ROBO2: variants seen among roughly 807,000 people sequenced by gnomAD.
ROBO2 encodes roundabout homolog 2.
A neutral mutation model predicts 160.8 loss-of-function variants in ROBO2; 53 were observed. The observed-to-expected ratio is 0.33, with a 90% CI of 0.26 to 0.41. The LOEUF is 0.41. Among genes scored for constraint, ROBO2 ranks in the 10% least tolerant of loss-of-function variants. The pLI, the probability that ROBO2 is intolerant of heterozygous loss-of-function variation, is 1.00. For synonymous variants in ROBO2, 664 were observed against 611.7 expected (o/e 1.09, Z -1.26); for missense variants, 1,577 against 1,722.4 (o/e 0.92, Z 1.49).
intron 2 of ROBO2, among the ~76,000 whole-genome samples, chr3:77,392,001 G>C (rs1448281075): frequency 6.6e-6 from 1 of 152,156 alleles, no homozygotes; most frequent in African/African-American, 2.4e-5. Flanking sequence ...ATGCATAACA[G>C]ATCTGTGGAA....
chr3:76,797,922 G>A (rs2063822679), intron 2 of ROBO2, among the ~76,000 whole-genome samples: 1 of 151,594 alleles, frequency 6.6e-6, no homozygotes, highest in Non-Finnish European at 1.5e-5. Flanking sequence ...AACAATCAAA[G>A]CCATAATAAA....
At position 76,598,299 on chromosome 3, in the gene ROBO2, TTTTG is replaced by T. The variant is rs1346148175; in HGVS notation, c.110-499703_110-499700del. Reference sequence around the variant, plus strand: ...AGGAAGGGAAGAGGAAAGTGGTTTTTTTTGTTTGTTTGTTTTGTTTTTTTGTTGT... The same window carrying T: ...AGGAAGGGAAGAGGAAAGTGGTTTTTTTTGTTTGTTTTGTTTTTTTGTTGT... On this transcript the variant is annotated intron_variant, in intron 2 of 26. Coordinates refer to the ROBO2 transcript ENST00000487694. Among the ~76,000 whole-genome samples, 14 of 152,200 alleles carry T rather than the reference TTTTG, an allele frequency of 9.2e-5. No homozygotes were observed. The East Asian group carries it at 2.1e-3, about 23-fold the overall frequency.
chr3:76,201,004 A>C (rs1331493470), intron 2 of ROBO2, among the ~76,000 whole-genome samples: 1 of 152,080 alleles, frequency 6.6e-6, no homozygotes, highest in Admixed American at 6.6e-5. Flanking sequence ...TTTCCACTTT[A>C]AACATTCGTA....
intron 2 of ROBO2, among the ~76,000 whole-genome samples, chr3:76,752,919 G>C (rs1429848770): frequency 6.6e-6 from 1 of 151,792 alleles, no homozygotes; most frequent in Non-Finnish European, 1.5e-5. Flanking sequence ...AAAACACTTA[G>C]AATGCAAACA....
intron 2 of ROBO2, among the ~76,000 whole-genome samples, chr3:76,657,752 A>G (rs571954225): frequency 2.9e-5 from 4 of 140,118 alleles, no homozygotes; most frequent in East Asian, 4.0e-4. Flanking sequence ...ATTCATATAT[A>G]TGTATATATA....
chr3:76,206,245 ACTGT>A (rs34266465), intron 2 of ROBO2, among the ~76,000 whole-genome samples: 6,817 of 152,064 alleles, frequency 0.045, 331 homozygotes, highest in East Asian at 0.22. Context: ...GCCTTACATT[ACTGT>A]CTGAGAGCTG....
chr3:76,751,280 T>C (rs1440544340), intron 2 of ROBO2, among the ~76,000 whole-genome samples: 4 of 152,106 alleles, frequency 2.6e-5, no homozygotes, highest in Non-Finnish European at 5.9e-5. Flanking sequence ...ATCCCTTCCT[T>C]GCACCTTATA....
intron 2 of ROBO2, among the ~76,000 whole-genome samples, chr3:76,165,502 G>A (rs988565053): frequency 1.3e-5 from 2 of 152,080 alleles, no homozygotes; most frequent in Non-Finnish European, 2.9e-5. Context: ...CAATAAGACT[G>A]CTTGTCTTTC....
chr3:77,297,603 T>C (rs529061898), intron 2 of ROBO2, among the ~76,000 whole-genome samples: 6 of 152,260 alleles, frequency 3.9e-5, no homozygotes, highest in African/African-American at 1.4e-4. Context: ...CATCAGATTT[T>C]ACATGTTGCG....
At chr3:76,443,378 C>T (rs1254264087) in intron 2 of ROBO2, among the ~76,000 whole-genome samples, 1 of 151,968 alleles carries the variant, frequency 6.6e-6, no homozygotes, top group Non-Finnish European at 1.5e-5. Flanking sequence ...GATTTGGTAC[C>T]ATCCATGGTC....
intron 2 of ROBO2, among the ~76,000 whole-genome samples, chr3:76,102,764 C>G (rs910686367): frequency 6.6e-6 from 1 of 151,658 alleles, no homozygotes; most frequent in Non-Finnish European, 1.5e-5. Flanking sequence ...GTAGACAAAT[C>G]TCTACAATTT....
intron 2 of ROBO2, among the ~76,000 whole-genome samples, chr3:77,013,427 T>A (rs1439060530): frequency 6.6e-6 from 1 of 152,134 alleles, no homozygotes; most frequent in Non-Finnish European, 1.5e-5. Flanking sequence ...AAACATAACT[T>A]TGATGTAAAA....
chr3:77,230,561 A>G (rs2087048878), intron 2 of ROBO2, among the ~76,000 whole-genome samples: 1 of 152,228 alleles, frequency 6.6e-6, no homozygotes, highest in Non-Finnish European at 1.5e-5. Context: ...ATGTATTCGC[A>G]CCAAATGGAA....
intron 2 of ROBO2, among the ~76,000 whole-genome samples, chr3:77,278,980 G>A (rs965486926): frequency 1.3e-5 from 2 of 152,062 alleles, no homozygotes; most frequent in African/African-American, 4.8e-5. Flanking sequence ...CTTCACAGCA[G>A]CATTTTCATT....
intron 2 of ROBO2, among the ~76,000 whole-genome samples, chr3:76,969,695 C>T (rs759882553): frequency 6.6e-6 from 1 of 152,210 alleles, no homozygotes; most frequent in African/African-American, 2.4e-5. Flanking sequence ...AGCATTCCAG[C>T]CTCTGATAAT....
At chr3:76,312,915 A>G (rs2071700252) in intron 2 of ROBO2, among the ~76,000 whole-genome samples, 1 of 152,228 alleles carries the variant, frequency 6.6e-6, no homozygotes, top group Non-Finnish European at 1.5e-5. Flanking sequence ...GCATGTATTC[A>G]TTTCACACAG....
At chr3:77,438,778 A>G (rs949744774) in intron 2 of ROBO2, among the ~76,000 whole-genome samples, 40 of 152,132 alleles carry the variant, frequency 2.6e-4, no homozygotes, top group African/African-American at 9.6e-4. Flanking sequence ...TTGCTTCCAG[A>G]TCCCTGTGCT....
intron 2 of ROBO2, among the ~76,000 whole-genome samples, chr3:77,240,357 G>A (rs576478222): frequency 8.2e-4 from 125 of 152,252 alleles, no homozygotes; most frequent in Non-Finnish European, 1.5e-3. Context: ...GCCCGGAGCC[G>A]TCAGTGCCAG....
intron 2 of ROBO2, among the ~76,000 whole-genome samples, chr3:77,144,665 G>A (rs968314319): frequency 3.3e-5 from 5 of 152,174 alleles, no homozygotes; most frequent in Admixed American, 3.3e-4. Context: ...CTCTACTGAT[G>A]AAAAATATGA....
Sources: allele counts gnomAD v4.1 joint callset (sites outside exome capture counted in the v4.1 genomes callset), GRCh38; gene constraint gnomAD v4.1.1; transcripts MANE v1.5; gene names NCBI Gene and HGNC (gene_info 2026-07-23, HGNC 2026-07-21).